The following SNX27 variants were observed in gnomAD, a reference collection of about 807,000 sequenced individuals.
SNX27 encodes sorting nexin 27, also known as sorting nexin-27.
Under a neutral mutation model 71.6 loss-of-function variants are expected in SNX27, and 22 were observed. The ratio of observed to expected loss-of-function variants is 0.31; its 90% CI spans 0.22 to 0.44. The LOEUF (loss-of-function observed/expected upper bound fraction) is 0.44. Ranked by LOEUF, SNX27 falls within the 20% of genes least tolerant of loss-of-function variation. The pLI is 1.00. For missense variants in SNX27, 531 were observed against 698.6 expected, an observed-to-expected ratio of 0.76 and a Z score of 2.70; for synonymous variants, 269 against 277.2, an observed-to-expected ratio of 0.97 and a Z score of 0.29.
Position 151,612,618 on chromosome 1 carries a change from G to A in SNX27, c.311+106G>A, listed in dbSNP as rs1667231176. 1.1e-6 allele frequency: 1 copy of A among 930,200 alleles called. No homozygotes were observed. The highest frequency in any genetic ancestry group is 3.3e-5 in the East Asian group (1 of 30,044). 57.6% of individuals were successfully genotyped at this position (930,200 alleles called of 1,614,324 possible). A position where few individuals can be genotyped will look rare whatever the true frequency, so the allele number is the denominator to read the frequency against. The stretch of plus-strand genomic sequence containing the variant: ...AGGCCGCACCTCCCCCGAGCTCCGA[G>A]CCGGCCTCCGGACCCCCGCCCCTCA... On this transcript the variant is annotated intron_variant, in intron 1 of 11. Coordinates refer to ENST00000458013, the MANE Select transcript of SNX27 (RefSeq NM_001330723.2). The surrounding 1 kb of genome is among the most constrained non-coding windows in gnomAD (Gnocchi z 5.2).
intron 10 of SNX27, 53 bp from the exon 11 acceptor site, chr1:151,693,371 C>A: frequency 6.5e-7 from 1 of 1,548,916 alleles, no homozygotes; most frequent in South Asian, 1.1e-5. Flanking sequence ...AAGGCACAGT[C>A]CTGAGATGCC....
At chr1:151,657,837 C>A (rs1476090533) in intron 2 of SNX27, among the ~76,000 whole-genome samples, 2 of 152,070 alleles carry the variant, frequency 1.3e-5, no homozygotes, top group African/African-American at 4.8e-5. Context: ...CCCTTCTCTA[C>A]TAAAAATACA....
chr1:151,626,312 T>G (rs1476044648), intron 1 of SNX27, among the ~76,000 whole-genome samples: 1 of 152,042 alleles, frequency 6.6e-6, no homozygotes, highest in Non-Finnish European at 1.5e-5. Flanking sequence ...TGAGACCTAA[T>G]TAGAATTAAA....
rs1329423618 is a variant in SNX27, at chr1:151,696,364, G to C, written c.*1947G>C. 1 of 152,236 alleles carries C rather than the reference G, an allele frequency of 6.6e-6. No homozygotes were observed. The highest frequency in any genetic ancestry group is 1.5e-5 in the Non-Finnish European group (1 of 68,054). The allele number at this position is 152,236 out of a possible 1,614,324, so 9.4% of individuals were successfully genotyped here. On this transcript the variant is annotated 3_prime_UTR_variant, in exon 12 of 12. Coordinates refer to ENST00000458013, the MANE Select transcript of SNX27 (RefSeq NM_001330723.2). ...CATCTTTTGCTCTAACTGGGAGACA[G>C]TCATAATTGGTTGTAGTCAATTCTA...
At chr1:151,663,759 C>G (rs1305015810) in intron 5 of SNX27, among the ~76,000 whole-genome samples, 2 of 152,014 alleles carry the variant, frequency 1.3e-5, no homozygotes, top group Admixed American at 6.6e-5. Context: ...CTGGGTTATC[C>G]CATTTTAGTG....
At chr1:151,667,992 G>A (rs1021793995) in intron 6 of SNX27, among the ~76,000 whole-genome samples, 5 of 152,246 alleles carry the variant, frequency 3.3e-5, no homozygotes, top group Non-Finnish European at 7.4e-5. Context: ...GAATACCTGA[G>A]GCTGGGTAAT....
chr1:151,615,069 A>G (rs1667366341), intron 1 of SNX27, among the ~76,000 whole-genome samples: 1 of 152,234 alleles, frequency 6.6e-6, no homozygotes, highest in African/African-American at 2.4e-5. Context: ...TTTGCCTTCT[A>G]GAGAAAAAAC....
At chr1:151,688,784 C>T (rs1385323497) in intron 8 of SNX27, among the ~76,000 whole-genome samples, 1 of 151,790 alleles carries the variant, frequency 6.6e-6, no homozygotes, top group Non-Finnish European at 1.5e-5. Flanking sequence ...ATTTTGTCAC[C>T]CAGGTAGTAA....
chr1:151,630,770 A>G lies in SNX27; in HGVS notation c.312-8118A>G, dbSNP rs1301464733. Reference sequence around the variant, plus strand: ...ATTCTTCGGCCGGGCACGGTGGCTCACGCCTGTAATCCCAGCACTTTGGGA... The same window carrying G: ...ATTCTTCGGCCGGGCACGGTGGCTCGCGCCTGTAATCCCAGCACTTTGGGA... On this transcript the variant is annotated intron_variant, in intron 1 of 11. Coordinates refer to ENST00000458013, the MANE Select transcript of SNX27 (RefSeq NM_001330723.2). Among the ~76,000 whole-genome samples, 6 of 152,234 alleles carry G rather than the reference A, an allele frequency of 3.9e-5. No homozygotes were observed. In the South Asian group the frequency reaches 8.3e-4, roughly 21 times the overall value.
At chr1:151,661,658 C>G (rs549987072) in intron 4 of SNX27, 2 of 152,454 alleles carry the variant, frequency 1.3e-5, no homozygotes, top group Middle Eastern at 3.4e-3. Flanking sequence ...AATTGGGCAT[C>G]AGGCTAACTT....
chr1:151,634,214 T>C (rs578117909), intron 1 of SNX27, among the ~76,000 whole-genome samples: 82 of 152,306 alleles, frequency 5.4e-4, no homozygotes, highest in African/African-American at 2.0e-3. Flanking sequence ...TTGAAATGTA[T>C]GTCTTAGCAC....
intron 11 of SNX27, chr1:151,693,908 G>A (rs971537311): frequency 1.5e-6 from 2 of 1,377,332 alleles, no homozygotes; most frequent in South Asian, 1.8e-5. Flanking sequence ...GGTGTTTGCT[G>A]TTGCTTTACT....
chr1:151,655,501 C>A (rs1174091522), intron 2 of SNX27, among the ~76,000 whole-genome samples: 1 of 152,194 alleles, frequency 6.6e-6, no homozygotes, highest in Non-Finnish European at 1.5e-5. Context: ...GCTGCTTTGG[C>A]CTCCTCGAAC....
At chr1:151,629,894 T>C (rs1668135549) in intron 1 of SNX27, among the ~76,000 whole-genome samples, 1 of 151,602 alleles carries the variant, frequency 6.6e-6, no homozygotes, top group South Asian at 2.1e-4. Context: ...TCCATATATA[T>C]ATATATTTTT....
intron 7 of SNX27, 94 bp from the exon 8 acceptor site, chr1:151,683,262 T>G (rs569296767): frequency 4.1e-6 from 4 of 972,058 alleles, no homozygotes; most frequent in Non-Finnish European, 4.7e-6. Context: ...GGATAAGAGA[T>G]TTTCTGAAAA....
intron 1 of SNX27, among the ~76,000 whole-genome samples, chr1:151,619,753 T>C (rs183753579): frequency 6.6e-6 from 1 of 152,192 alleles, no homozygotes; most frequent in Non-Finnish European, 1.5e-5. Context: ...TTTCCTGATA[T>C]TGGCATGCTA....
intron 10 of SNX27, 49 bp downstream of exon 10, chr1:151,693,088 T>G (rs768980215): frequency 4.4e-6 from 7 of 1,592,666 alleles, no homozygotes; most frequent in Non-Finnish European, 5.1e-6. Flanking sequence ...GTTTTTTTGT[T>G]TTTTTTTTCA....
intron 1 of SNX27, among the ~76,000 whole-genome samples, chr1:151,621,324 T>C (rs960247422): frequency 5.9e-5 from 9 of 152,242 alleles, no homozygotes; most frequent in Non-Finnish European, 1.0e-4. Context: ...GTTGAGGAAA[T>C]GTGCCTTTCT....
At chr1:151,676,980 C>T (rs143456338) in intron 7 of SNX27, 1 of 151,844 alleles carries the variant, frequency 6.6e-6, no homozygotes, top group African/African-American at 2.4e-5. Flanking sequence ...TTTAGCATCT[C>T]TCTGCTCTTA....
Sources: allele counts gnomAD v4.1 joint callset (sites outside exome capture counted in the v4.1 genomes callset), GRCh38; gene constraint gnomAD v4.1.1; non-coding constraint Gnocchi (gnomAD v3.1); transcripts MANE v1.5; gene names NCBI Gene and HGNC (gene_info 2026-07-23, HGNC 2026-07-21).